MTUS2: variants seen among roughly 807,000 people sequenced by gnomAD.
The protein encoded by MTUS2 is microtubule associated scaffold protein 2.
In MTUS2, 40 loss-of-function variants were observed where a neutral mutation model predicts 114.1. That is an observed-to-expected ratio of 0.35 (90% confidence interval 0.27 to 0.46). MTUS2 has a LOEUF of 0.46. Ranked by LOEUF, MTUS2 falls within the 20% of genes least tolerant of loss-of-function variation. The probability of loss-of-function intolerance (pLI) is 1.00; values close to 1 mark genes in which losing one functional copy is unlikely to be tolerated. For missense variants in MTUS2, 1,679 were observed against 1,705.4 expected, an observed-to-expected ratio of 0.98 and a Z score of 0.27; for synonymous variants, 688 against 672.0, an observed-to-expected ratio of 1.02 and a Z score of -0.37.
intron 6 of MTUS2, among the ~76,000 whole-genome samples, chr13:29,283,257 T>A (rs1193027193): frequency 6.6e-6 from 1 of 152,188 alleles, no homozygotes; most frequent in Non-Finnish European, 1.5e-5. Context: ...GCAGTTCCCT[T>A]TGTTAAGACT....
At chr13:29,392,783 A>T (rs553616923) in intron 8 of MTUS2, among the ~76,000 whole-genome samples, 1 of 152,308 alleles carries the variant, frequency 6.6e-6, no homozygotes, top group Non-Finnish European at 1.5e-5. Flanking sequence ...GGGATAATAA[A>T]AAAGTTCTGG....
intron 8 of MTUS2, among the ~76,000 whole-genome samples, chr13:29,381,570 T>A (rs1284653085): frequency 6.6e-6 from 1 of 152,214 alleles, no homozygotes; most frequent in Non-Finnish European, 1.5e-5. Context: ...GTGTGGGCAC[T>A]GCCATTAGCT....
intron 5 of MTUS2, among the ~76,000 whole-genome samples, chr13:29,274,711 G>T (rs1208501468): frequency 2.0e-5 from 3 of 151,802 alleles, no homozygotes; most frequent in African/African-American, 7.3e-5. Flanking sequence ...GGGTTATTTG[G>T]CTTTTTATTG....
At chr13:29,066,761 G>A (rs1415766759) in intron 4 of MTUS2, among the ~76,000 whole-genome samples, 8 of 152,220 alleles carry the variant, frequency 5.3e-5, no homozygotes, top group South Asian at 4.1e-4. Flanking sequence ...ATAACTTAAT[G>A]GGTATATAAA....
intron 4 of MTUS2, among the ~76,000 whole-genome samples, chr13:29,066,777 A>C (rs1235539541): frequency 6.6e-6 from 1 of 152,272 alleles, no homozygotes; most frequent in African/African-American, 2.4e-5. Flanking sequence ...ATAAAGAGAT[A>C]AATCAGTAAT....
rs1489391164 is a variant in MTUS2, at chr13:29,194,332, C to T, written c.2645-87372C>T. ...AACCTACAAAATGGGAGAAAATTTT[C>T]GCAACCTACTCATCTGACAAAGGGC... On this transcript the variant is annotated intron_variant, in intron 5 of 15. Transcript: ENST00000612955. Among the ~76,000 whole-genome samples, 211 of 150,262 alleles carry T rather than the reference C, an allele frequency of 1.4e-3. 1 individual carries two copies. The highest frequency in any genetic ancestry group is 2.2e-3 in the Non-Finnish European group (149 of 66,966).
chr13:28,907,954 G>A (rs1035758492), intron 2 of MTUS2, among the ~76,000 whole-genome samples: 1 of 151,184 alleles, frequency 6.6e-6, no homozygotes, highest in African/African-American at 2.4e-5. Flanking sequence ...TTTCCCTGTG[G>A]GCCGTCTGTT....
chr13:29,383,175 CAT>C (rs1410662000), intron 8 of MTUS2, among the ~76,000 whole-genome samples: 1 of 147,880 alleles, frequency 6.8e-6, no homozygotes, highest in East Asian at 2.0e-4. Context: ...ACATACAAGT[CAT>C]AGCAAATGGC....
At chr13:29,166,413 TG>T (rs1893319834) in intron 5 of MTUS2, among the ~76,000 whole-genome samples, 1 of 152,144 alleles carries the variant, frequency 6.6e-6, no homozygotes, top group Non-Finnish European at 1.5e-5. Flanking sequence ...CACTGGAACA[TG>T]GGTACTCTTG....
intron 4 of MTUS2, among the ~76,000 whole-genome samples, chr13:29,057,279 A>G (rs560446421): frequency 4.9e-4 from 75 of 152,094 alleles, no homozygotes; most frequent in African/African-American, 1.8e-3. Flanking sequence ...TTGTGTTTTT[A>G]GTTAGAGAGT....
intron 5 of MTUS2, among the ~76,000 whole-genome samples, chr13:29,199,981 A>G (rs1894871782): frequency 6.6e-6 from 1 of 152,078 alleles, no homozygotes; most frequent in Non-Finnish European, 1.5e-5. Context: ...TTATTTGTGT[A>G]GAGGTGAGTA....
chr13:28,873,240 G>A (rs1488625206), intron 2 of MTUS2, among the ~76,000 whole-genome samples: 4 of 152,102 alleles, frequency 2.6e-5, no homozygotes, highest in African/African-American at 7.2e-5. Flanking sequence ...AACATACCAT[G>A]GGGGAAAATT....
chr13:29,229,406 T>C (rs904431883), intron 5 of MTUS2, among the ~76,000 whole-genome samples: 13 of 152,218 alleles, frequency 8.5e-5, no homozygotes, highest in African/African-American at 3.1e-4. Flanking sequence ...AGGACACTTT[T>C]AATATGTACG....
intron 4 of MTUS2, among the ~76,000 whole-genome samples, chr13:29,090,512 A>G (rs1276821799): frequency 1.3e-5 from 2 of 152,198 alleles, no homozygotes; most frequent in Non-Finnish European, 2.9e-5. Context: ...AGCACATGCC[A>G]GTGAAGGAAG....
chr13:28,837,607 C>T (rs1875181741), intron 1 of MTUS2, among the ~76,000 whole-genome samples: 1 of 152,186 alleles, frequency 6.6e-6, no homozygotes, highest in Non-Finnish European at 1.5e-5. Context: ...TAATTTTGTT[C>T]ACACTCTTAT....
chr13:29,184,026 T>C (rs1025189508), intron 5 of MTUS2, among the ~76,000 whole-genome samples: 3 of 152,240 alleles, frequency 2.0e-5, no homozygotes, highest in African/African-American at 7.2e-5. Context: ...GTTCTTTATT[T>C]GCTTTATAAG....
At chr13:28,933,932 C>T (rs975836022) in intron 2 of MTUS2, among the ~76,000 whole-genome samples, 1 of 152,200 alleles carries the variant, frequency 6.6e-6, no homozygotes, top group East Asian at 1.9e-4. Flanking sequence ...GATTCCTTGA[C>T]TTCATGCTTA....
chr13:28,998,941 G>A (rs760734780), intron 2 of MTUS2, among the ~76,000 whole-genome samples: 2 of 152,130 alleles, frequency 1.3e-5, no homozygotes, highest in Non-Finnish European at 2.9e-5. Flanking sequence ...GAGGAGCTGC[G>A]TTCCTTTGGA....
At chr13:29,218,977 T>TA (rs1480898419) in intron 5 of MTUS2, among the ~76,000 whole-genome samples, 1 of 149,026 alleles carries the variant, frequency 6.7e-6, no homozygotes, top group Non-Finnish European at 1.5e-5. Flanking sequence ...GTCATATATA[T>TA]TTTTTTTATT....
Sources: allele counts gnomAD v4.1 joint callset (sites outside exome capture counted in the v4.1 genomes callset), GRCh38; gene constraint gnomAD v4.1.1; transcripts MANE v1.5; gene names NCBI Gene and HGNC (gene_info 2026-07-23, HGNC 2026-07-21).